The following ITGA1 variants were observed in gnomAD, a reference collection of about 807,000 sequenced individuals.
ITGA1 encodes integrin subunit alpha 1.
In ITGA1, 85 loss-of-function variants were observed where a neutral mutation model predicts 145.9. The observed-to-expected ratio is 0.58, with a 90% CI of 0.49 to 0.70. The LOEUF (loss-of-function observed/expected upper bound fraction) is 0.70, where lower values mean the gene tolerates loss of function less well. Ranked by LOEUF, ITGA1 falls within the 30% of genes least tolerant of loss-of-function variation. The pLI, the probability that ITGA1 is intolerant of heterozygous loss-of-function variation, is 0.00. For synonymous variants in ITGA1, 520 were observed against 495.3 expected, an observed-to-expected ratio of 1.05 and a Z score of -0.66; for missense variants, 1,351 against 1,418.7, an observed-to-expected ratio of 0.95 and a Z score of 0.77.
At chr5:52,935,326 T>C (rs966626254) in intron 23 of ITGA1, among the ~76,000 whole-genome samples, 1 of 152,082 alleles carries the variant, frequency 6.6e-6, no homozygotes, top group African/African-American at 2.4e-5. Context: ...TTCAGGGATG[T>C]TCTTAACAAT....
rs1162903141 is a variant in ITGA1 at position 52,956,430 on chromosome 5, TC to T, written c.*3984del. ...CTCAGGCCCCCTTTTGCCAGTTTTC[TC>T]CCCCAGGGGAGATTTTCAAGACTAC... On this transcript the variant is annotated 3_prime_UTR_variant, in exon 29 of 29. Coordinates refer to ENST00000282588, the MANE Select transcript of ITGA1 (RefSeq NM_181501.2). The T allele has an allele frequency of 6.6e-6, 1 of 152,140 alleles. No homozygotes were observed. Among genetic ancestry groups the T allele is most frequent in the Non-Finnish European group, 1.5e-5 (1 of 68,038 alleles). The allele number at this position is 152,140 out of a possible 1,614,324, so 9.4% of individuals were successfully genotyped here.
intron 6 of ITGA1, among the ~76,000 whole-genome samples, chr5:52,870,321 C>A (rs1321939158): frequency 6.6e-6 from 1 of 152,104 alleles, no homozygotes; most frequent in Non-Finnish European, 1.5e-5. Context: ...CTGAAAGGAA[C>A]AGATGTAAAA....
chr5:52,800,556 C>T (rs774441545), intron 1 of ITGA1: 4 of 1,613,604 alleles, frequency 2.5e-6, no homozygotes, highest in Non-Finnish European at 3.4e-6. Flanking sequence ...CCTCCACGGG[C>T]AGCGTGGGCA....
At chr5:52,818,702 G>A (rs1748817556) in intron 1 of ITGA1, among the ~76,000 whole-genome samples, 2 of 152,116 alleles carry the variant, frequency 1.3e-5, no homozygotes, top group Admixed American at 1.3e-4. Context: ...TTTTGTCATA[G>A]TAACAGAGCA....
rs1561230756 is a variant in ITGA1, at chr5:52,864,814, G to C, written c.347G>C (p.Gly116Ala). The change falls in exon 4 of 29, where the codon GGA (glycine) becomes GCA (alanine). Residue 116 changes from glycine to alanine, a missense_variant. Gly to Ala is a moderately conservative substitution (Grantham distance 60). Transcript: ENST00000282588. Reference protein sequence around the residue: ...VTEVKENMTFGSTLVTNPNGG... With the variant: ...VTEVKENMTFASTLVTNPNGG... ...GAAGTAAAGGAGAACATGACATTTG[G>C]ATCAACTTTAGTCACCAACCCAAAT... 3 of 1,612,806 alleles carry C rather than the reference G, an allele frequency of 1.9e-6. No individual in the cohort carries two copies. The highest frequency in any genetic ancestry group is 2.5e-6 in the Non-Finnish European group (3 of 1,179,176).
intron 1 of ITGA1, among the ~76,000 whole-genome samples, chr5:52,809,471 A>C (rs34980571): frequency 0.27 from 39,891 of 150,098 alleles, 5,574 homozygotes; most frequent in Non-Finnish European, 0.31. Flanking sequence ...GGGACCTGAG[A>C]TTATTCCTCT....
chr5:52,857,369 T>C (rs1749532838), intron 2 of ITGA1, among the ~76,000 whole-genome samples: 1 of 152,132 alleles, frequency 6.6e-6, no homozygotes, highest in African/African-American at 2.4e-5. Context: ...AATCAGGATT[T>C]CTCTTGTTAC....
chr5:52,835,227 T>G (rs1031966365), intron 1 of ITGA1, among the ~76,000 whole-genome samples: 2 of 152,172 alleles, frequency 1.3e-5, no homozygotes, highest in African/African-American at 4.8e-5. Context: ...TCCAGAACTG[T>G]GCTAGGCGTT....
rs10041298 is a variant in ITGA1 at position 52,918,973 on chromosome 5, G to A, written c.2155+75G>A. On this transcript the variant is annotated intron_variant, in intron 16 of 28. Coordinates refer to ENST00000282588, the MANE Select transcript of ITGA1 (RefSeq NM_181501.2). ...TGCTCTAGCATGATGAAGTCCAGTAGGATATTGTATTTTCCCCACATGGTG... is the reference window on the plus strand; with the variant it reads ...TGCTCTAGCATGATGAAGTCCAGTAAGATATTGTATTTTCCCCACATGGTG... 34,697 of 1,255,552 alleles carry A rather than the reference G, an allele frequency of 0.028. 2,682 individuals carry two copies. Among genetic ancestry groups the A allele is most frequent in the African/African-American group, 0.27 (17,415 of 65,286 alleles). The allele number at this position is 1,255,552 out of a possible 1,614,324, so 77.8% of individuals were successfully genotyped here.
intron 7 of ITGA1, 121 bp downstream of exon 7, chr5:52,882,142 A>T (rs976539349): frequency 1.0e-5 from 8 of 798,974 alleles, no homozygotes; most frequent in Non-Finnish European, 1.5e-5. Flanking sequence ...TTTGTTTAAA[A>T]TGAGATTCAG....
chr5:52,856,891 G>A (rs182880923), intron 2 of ITGA1, among the ~76,000 whole-genome samples: 1 of 152,212 alleles, frequency 6.6e-6, no homozygotes, highest in African/African-American at 2.4e-5. Context: ...CTCAACTGGG[G>A]CTGGAGTGTC....
chr5:52,880,773 A>G (rs1749944527), intron 6 of ITGA1, among the ~76,000 whole-genome samples: 1 of 152,232 alleles, frequency 6.6e-6, no homozygotes, highest in Admixed American at 6.5e-5. Flanking sequence ...AATTAAAGAG[A>G]CATTCCTTTG....
intron 2 of ITGA1, 72 bp downstream of exon 2, chr5:52,849,557 T>A (rs538432113): frequency 7.0e-6 from 9 of 1,288,330 alleles, no homozygotes; most frequent in Admixed American, 2.2e-5. Context: ...TTGACTACAG[T>A]TTCTTTTATG....
intron 2 of ITGA1, among the ~76,000 whole-genome samples, chr5:52,855,837 T>C (rs1332506294): frequency 1.3e-5 from 2 of 152,190 alleles, no homozygotes; most frequent in East Asian, 3.9e-4. Flanking sequence ...GTTTCATGTT[T>C]GTTTTCAAAG....
intron 23 of ITGA1, among the ~76,000 whole-genome samples, chr5:52,934,855 C>T (rs1024813274): frequency 6.6e-6 from 1 of 151,830 alleles, no homozygotes; most frequent in Non-Finnish European, 1.5e-5. Flanking sequence ...AGATTAATTT[C>T]ATTTTTTAAA....
intron 1 of ITGA1, among the ~76,000 whole-genome samples, chr5:52,793,583 TATGGTACTTTTTACC>T (rs1484749015): frequency 1.1e-4 from 16 of 152,108 alleles, no homozygotes; most frequent in African/African-American, 3.9e-4. Flanking sequence ...ATATACAGTG[TATGGTACTTTTTACC>T]ATGGTACTTT....
intron 1 of ITGA1, among the ~76,000 whole-genome samples, chr5:52,834,677 GAGAA>G (rs1006298519): frequency 3.3e-5 from 5 of 151,056 alleles, no homozygotes; most frequent in East Asian, 3.9e-4. Context: ...AAGAAAGAAA[GAGAA>G]AGAAAGAAGG....
intron 7 of ITGA1, among the ~76,000 whole-genome samples, chr5:52,887,011 T>G (rs902940320): frequency 1.3e-5 from 2 of 152,172 alleles, no homozygotes; most frequent in African/African-American, 4.8e-5. Context: ...TCTCTTGACC[T>G]CGTGATCTGC....
chr5:52,893,934 CTTT>C (rs35782834), intron 9 of ITGA1, 94 bp downstream of exon 9: 1,212 of 678,546 alleles, frequency 1.8e-3, no homozygotes, highest in South Asian at 2.5e-3. Flanking sequence ...ATCAGTAATA[CTTT>C]TTTTTTTTTT....
Sources: allele counts gnomAD v4.1 joint callset (sites outside exome capture counted in the v4.1 genomes callset), GRCh38; gene constraint gnomAD v4.1.1; transcripts MANE v1.5; gene names NCBI Gene and HGNC (gene_info 2026-07-23, HGNC 2026-07-21).